The following OXR1 variants were observed in gnomAD, a reference collection of about 807,000 sequenced individuals.
OXR1 encodes oxidation resistance 1, also known as oxidation resistance protein 1.
OXR1 carries 41 observed loss-of-function variants against 104.6 expected under a neutral mutation model. The ratio of observed to expected loss-of-function variants is 0.39; its 90% CI spans 0.31 to 0.51. The LOEUF is 0.51. OXR1 is among the 20% of genes least tolerant of loss of function. OXR1 has a pLI of 0.77. For missense variants in OXR1, 955 were observed against 1,031.9 expected (o/e 0.93, Z 1.02); for synonymous variants, 348 against 348.4 (o/e 1.00, Z 0.01).
chr8:106,720,857 G>C (rs1832765190), intron 11 of OXR1: 1 of 160,424 alleles, frequency 6.2e-6, no homozygotes, highest in Non-Finnish European at 1.3e-5. Flanking sequence ...TTAAAGGAGT[G>C]ACCACCACAA....
chr8:106,323,663 A>G (rs910733453), intron 1 of OXR1, among the ~76,000 whole-genome samples: 2 of 152,194 alleles, frequency 1.3e-5, no homozygotes, highest in African/African-American at 4.8e-5. Context: ...TAAATTTACA[A>G]GATAAAAACA....
chr8:106,555,024 T>C (rs920056830), intron 3 of OXR1, among the ~76,000 whole-genome samples: 1 of 152,208 alleles, frequency 6.6e-6, no homozygotes, highest in East Asian at 1.9e-4. Flanking sequence ...TTAGTCCCTG[T>C]GGCATTAGCA....
At chr8:106,582,461 A>G (rs988276817) in intron 3 of OXR1, among the ~76,000 whole-genome samples, 1 of 151,830 alleles carries the variant, frequency 6.6e-6, no homozygotes, top group Non-Finnish European at 1.5e-5. Context: ...TGACTAAAAC[A>G]GAATTGTGCC....
chr8:106,322,791 A>G (rs1814280662), intron 1 of OXR1, among the ~76,000 whole-genome samples: 1 of 152,204 alleles, frequency 6.6e-6, no homozygotes, highest in South Asian at 2.1e-4. Context: ...CACAGTTGCC[A>G]CAAAAAGAAT....
chr8:106,516,646 A>C lies in OXR1; in HGVS notation c.24-2297A>C, dbSNP rs569829313. On this transcript the variant is annotated intron_variant, in intron 2 of 16. Transcript: ENST00000517566. ...CTTCACTCTATTTATTTTTATTACC[A>C]CCTTTTTGTGGCAAGTAGTCATTGG... Among the ~76,000 whole-genome samples the C allele has an allele frequency of 2.0e-5, 3 of 152,204 alleles. No homozygotes were observed. In the East Asian group the frequency reaches 5.8e-4, roughly 29 times the overall value.
intron 16 of OXR1, among the ~76,000 whole-genome samples, chr8:106,749,192 A>T (rs558187021): frequency 6.6e-6 from 1 of 151,906 alleles, no homozygotes; most frequent in East Asian, 2.0e-4. Flanking sequence ...AAACAGAAAA[A>T]ATTAGCCGGG....
chr8:106,375,244 G>T (rs1325629021), intron 2 of OXR1, among the ~76,000 whole-genome samples: 1 of 152,174 alleles, frequency 6.6e-6, no homozygotes, highest in African/African-American at 2.4e-5. Flanking sequence ...TTAAGTCACT[G>T]TAAAGACGAT....
chr8:106,307,435 T>C (rs1312013280), intron 1 of OXR1, among the ~76,000 whole-genome samples: 1 of 152,142 alleles, frequency 6.6e-6, no homozygotes, highest in Non-Finnish European at 1.5e-5. Context: ...CATCCACCCA[T>C]TGTCTTCGGG....
chr8:106,730,768 G>A (rs1041191768), intron 11 of OXR1, among the ~76,000 whole-genome samples: 4 of 151,910 alleles, frequency 2.6e-5, no homozygotes, highest in African/African-American at 9.7e-5. Context: ...CCTATGTTAA[G>A]GGTGTGTTTG....
intron 9 of OXR1, among the ~76,000 whole-genome samples, chr8:106,708,766 T>C (rs1009497902): frequency 2.6e-5 from 4 of 152,264 alleles, no homozygotes; most frequent in Non-Finnish European, 5.9e-5. Context: ...ATCCCTCCTT[T>C]GAGTTTTTTT....
At chr8:106,659,366 C>T (rs2131075955) in intron 3 of OXR1, among the ~76,000 whole-genome samples, 1 of 152,188 alleles carries the variant, frequency 6.6e-6, no homozygotes, top group South Asian at 2.1e-4. Context: ...TTAGCATAGC[C>T]CTTTAAAATA....
intron 3 of OXR1, among the ~76,000 whole-genome samples, chr8:106,546,847 T>G (rs1815395474): frequency 6.6e-6 from 1 of 152,194 alleles, no homozygotes; most frequent in Admixed American, 6.5e-5. Context: ...GGTTCCAAGT[T>G]TTTATTTTCC....
chr8:106,559,285 C>T (rs1366370786), intron 3 of OXR1, among the ~76,000 whole-genome samples: 2 of 152,134 alleles, frequency 1.3e-5, no homozygotes, highest in African/African-American at 4.8e-5. Context: ...ATGTACTGTC[C>T]ATATTTCTAA....
At chr8:106,723,564 CA>C (rs1423864484) in intron 11 of OXR1, among the ~76,000 whole-genome samples, 2 of 150,920 alleles carry the variant, frequency 1.3e-5, no homozygotes, top group Admixed American at 1.3e-4. Context: ...CCCAGCTACT[CA>C]GGACTCTGAG....
rs141919842 is a variant in OXR1, at chr8:106,388,168, G to A, written c.23+28532G>A. On this transcript the variant is annotated intron_variant, in intron 2 of 16. Coordinates refer to ENST00000517566, the MANE Select transcript of OXR1 (RefSeq NM_001198533.2). Reference sequence around the variant, plus strand: ...ACAAATACAGTGAGTGCATCAAGAAGTAAAAGCTAGGTGTTTCACTTTAAG... The same window carrying A: ...ACAAATACAGTGAGTGCATCAAGAAATAAAAGCTAGGTGTTTCACTTTAAG... Among the ~76,000 whole-genome samples, 139 of 152,334 alleles carry A rather than the reference G, an allele frequency of 9.1e-4. 1 individual carries two copies. Among genetic ancestry groups the A allele is most frequent in the African/African-American group, 3.2e-3 (134 of 41,576 alleles).
At chr8:106,740,709 G>A (rs1834850122) in intron 14 of OXR1, among the ~76,000 whole-genome samples, 1 of 152,128 alleles carries the variant, frequency 6.6e-6, no homozygotes, top group South Asian at 2.1e-4. Flanking sequence ...GGATTATAGA[G>A]TGGTAGAAAA....
intron 2 of OXR1, among the ~76,000 whole-genome samples, chr8:106,404,862 C>G (rs557561729): frequency 6.6e-6 from 1 of 151,878 alleles, no homozygotes; most frequent in Admixed American, 6.6e-5. Context: ...CCCACCACCA[C>G]GCTTGGCTAA....
At chr8:106,678,550 A>G (rs946197074) in intron 3 of OXR1, among the ~76,000 whole-genome samples, 4 of 152,030 alleles carry the variant, frequency 2.6e-5, no homozygotes, top group African/African-American at 9.7e-5. Context: ...GAAAAGGTTA[A>G]CACTAATACA....
chr8:106,722,808 T>C (rs181526549), intron 11 of OXR1, among the ~76,000 whole-genome samples: 1 of 152,344 alleles, frequency 6.6e-6, no homozygotes, highest in Non-Finnish European at 1.5e-5. Context: ...CCTGTCATTA[T>C]GTGATATATG....
Sources: gnomAD v4.1 joint callset for allele counts (sites outside exome capture counted in the v4.1 genomes callset) on GRCh38, gnomAD v4.1.1 for gene constraint, MANE v1.5 for transcripts, NCBI Gene and HGNC (gene_info 2026-07-23, HGNC 2026-07-21) for gene names.